STAG1: variants seen among roughly 807,000 people sequenced by gnomAD.
STAG1 encodes STAG1 cohesin complex component, also known as cohesin subunit SA-1.
In STAG1, 26 loss-of-function variants were observed where a neutral mutation model predicts 170.9. The ratio of observed to expected loss-of-function variants is 0.15; its 90% CI spans 0.11 to 0.21. STAG1 has a LOEUF of 0.21. Among genes scored for constraint, STAG1 ranks in the 10% least tolerant of loss-of-function variants. The pLI is 1.00. For synonymous variants in STAG1, 514 were observed against 497.7 expected (o/e 1.03, Z -0.44); for missense variants, 964 against 1,509.5 (o/e 0.64, Z 5.99).
At position 136,411,325 on chromosome 3, in the gene STAG1, AT is replaced by A. The variant is rs200592666; in HGVS notation, c.2196+6559del. ...TCTTTCAAATGGTTTCATGAAAAAA[AT>A]AAAAAATAAAATAAAAAATTATTTT... On this transcript the variant is annotated intron_variant, in intron 21 of 33. Transcript: ENST00000383202. Among the ~76,000 whole-genome samples the A allele has an allele frequency of 8.3e-3, 1,267 of 152,222 alleles. 21 individuals are homozygous for A. The highest frequency in any genetic ancestry group is 0.029 in the African/African-American group (1,206 of 41,530).
chr3:136,523,138 C>T (rs181805136), intron 6 of STAG1, among the ~76,000 whole-genome samples: 2 of 152,102 alleles, frequency 1.3e-5, no homozygotes, highest in South Asian at 2.1e-4. Context: ...CTTGAGGAAT[C>T]GCCACACTGT....
At chr3:136,489,126 A>C (rs1180970026) in intron 9 of STAG1, among the ~76,000 whole-genome samples, 1 of 152,238 alleles carries the variant, frequency 6.6e-6, no homozygotes, top group African/African-American at 2.4e-5. Context: ...AAGGAACTAG[A>C]AAAGAATAAT....
intron 1 of STAG1, among the ~76,000 whole-genome samples, chr3:136,657,546 C>A (rs906008413): frequency 6.6e-6 from 1 of 152,112 alleles, no homozygotes; most frequent in African/African-American, 2.4e-5. Flanking sequence ...ACGGGCCAGG[C>A]AGGGTGGCCT....
intron 1 of STAG1, among the ~76,000 whole-genome samples, chr3:136,714,977 T>TA (rs1943494306): frequency 5.7e-5 from 6 of 105,538 alleles, no homozygotes; most frequent in South Asian, 2.8e-4. Flanking sequence ...TATATATATA[T>TA]TTTTATATAT....
intron 5 of STAG1, among the ~76,000 whole-genome samples, chr3:136,566,879 C>A (rs1006679656): frequency 3.3e-5 from 5 of 152,114 alleles, no homozygotes; most frequent in Non-Finnish European, 7.4e-5. Context: ...AATTATTGTA[C>A]ATATACACAA....
intron 1 of STAG1, among the ~76,000 whole-genome samples, chr3:136,713,951 G>T (rs1943453120): frequency 6.6e-6 from 1 of 152,002 alleles, no homozygotes; most frequent in African/African-American, 2.4e-5. Flanking sequence ...TGGAACCCAG[G>T]AGGCAGAGGT....
At chr3:136,451,077 C>A (rs115186719) in intron 14 of STAG1, among the ~76,000 whole-genome samples, 3 of 151,372 alleles carry the variant, frequency 2.0e-5, no homozygotes, top group Non-Finnish European at 2.9e-5. Flanking sequence ...CATTTCTAAA[C>A]GAAGAAGTTA....
At position 136,413,216 on chromosome 3, in the gene STAG1, TTATA is replaced by T. The variant is rs1170091364; in HGVS notation, c.2196+4665_2196+4668del. On this transcript the variant is annotated intron_variant, in intron 21 of 33. Coordinates refer to ENST00000383202, the MANE Select transcript of STAG1 (RefSeq NM_005862.3). Reference sequence around the variant, plus strand: ...ACATGTGTAACACACACATTATATATTATATATAATTTATATAATGTATACTATA... The same window carrying T: ...ACATGTGTAACACACACATTATATATTATAATTTATATAATGTATACTATA... Among the ~76,000 whole-genome samples the T allele has an allele frequency of 4.0e-5, 6 of 148,250 alleles. No individual in the cohort carries two copies. In the East Asian group the frequency reaches 7.8e-4, roughly 19 times the overall value.
intron 20 of STAG1, among the ~76,000 whole-genome samples, chr3:136,420,225 C>T (rs1208222420): frequency 1.5e-4 from 18 of 120,524 alleles, no homozygotes; most frequent in Non-Finnish European, 2.7e-4. Flanking sequence ...CCAGTCTGGG[C>T]GACAGAGTGA....
At chr3:136,355,056 A>G (rs1936592679) in intron 28 of STAG1, among the ~76,000 whole-genome samples, 1 of 152,094 alleles carries the variant, frequency 6.6e-6, no homozygotes, top group Admixed American at 6.6e-5. Flanking sequence ...TGTAACAATT[A>G]AAAATGTATG....
intron 1 of STAG1, among the ~76,000 whole-genome samples, chr3:136,648,117 AG>A (rs1271250217): frequency 6.6e-6 from 1 of 152,244 alleles, no homozygotes; most frequent in Non-Finnish European, 1.5e-5. Flanking sequence ...GTAAGTATCT[AG>A]GGGGTTCATA....
intron 1 of STAG1, among the ~76,000 whole-genome samples, chr3:136,728,590 C>T (rs556607857): frequency 6.6e-6 from 1 of 152,314 alleles, no homozygotes; most frequent in Admixed American, 6.5e-5. Flanking sequence ...ATGCTAAGAA[C>T]AGTAGTTGGC....
At chr3:136,442,465 T>C (rs2088659922) in intron 15 of STAG1, among the ~76,000 whole-genome samples, 2 of 152,250 alleles carry the variant, frequency 1.3e-5, no homozygotes, top group African/African-American at 4.8e-5. Flanking sequence ...GTGCATATTA[T>C]TAAGTAGCAT....
chr3:136,345,596 TAC>T (rs1375447209), intron 29 of STAG1, among the ~76,000 whole-genome samples: 2 of 151,956 alleles, frequency 1.3e-5, no homozygotes, highest in Non-Finnish European at 2.9e-5. Flanking sequence ...GCCAAGTTTC[TAC>T]CTATAAAAAT....
chr3:136,697,394 T>C (rs934506507), intron 1 of STAG1, among the ~76,000 whole-genome samples: 2 of 152,212 alleles, frequency 1.3e-5, no homozygotes, highest in African/African-American at 4.8e-5. Context: ...ACCAACTGAA[T>C]CACACTCAGT....
chr3:136,398,876 T>C (rs562687085), intron 21 of STAG1, 47 bp from the exon 22 acceptor site: 1 of 1,189,832 alleles, frequency 8.4e-7, no homozygotes, highest in East Asian at 2.9e-5. Context: ...TTCAAAAAAA[T>C]GAGATCATCT....
intron 1 of STAG1, among the ~76,000 whole-genome samples, chr3:136,730,035 C>T (rs60073313): frequency 0.066 from 9,986 of 151,658 alleles, 1,089 homozygotes; most frequent in African/African-American, 0.23. Context: ...ACTACAGACA[C>T]GTGCCACTAC....
intron 7 of STAG1, among the ~76,000 whole-genome samples, chr3:136,519,101 T>C (rs1934530172): frequency 1.3e-5 from 2 of 152,130 alleles, no homozygotes; most frequent in Non-Finnish European, 2.9e-5. Flanking sequence ...ACAGTAATAC[T>C]GCATTTACAT....
At position 136,421,074 on chromosome 3, in the gene STAG1, T is replaced by C; in HGVS notation, c.2108+19A>G. 6.4e-7 allele frequency: 1 copy of C among 1,557,502 alleles called. No individual in the cohort carries two copies. Among genetic ancestry groups the C allele is most frequent in the Non-Finnish European group, 8.8e-7 (1 of 1,137,446 alleles). On this transcript the variant is annotated intron_variant, in intron 20 of 33. Transcript: ENST00000383202. ...GCATGAGCCACCTCGTTGCCTTTAC[T>C]TTAAATAAAATAACGTACTTGTGAA...
Sources: allele counts gnomAD v4.1 joint callset (sites outside exome capture counted in the v4.1 genomes callset), GRCh38; gene constraint gnomAD v4.1.1; transcripts MANE v1.5; gene names NCBI Gene and HGNC (gene_info 2026-07-23, HGNC 2026-07-21).